Variants in CTPS1 observed in about 807,000 individuals in gnomAD.
The protein encoded by CTPS1 is CTP synthetase 1.
A neutral mutation model predicts 80.5 loss-of-function variants in CTPS1; 25 were observed. That is an observed-to-expected ratio of 0.31 (90% confidence interval 0.23 to 0.43). The LOEUF (loss-of-function observed/expected upper bound fraction) is 0.43, where lower values mean the gene tolerates loss of function less well. Ranked by LOEUF, CTPS1 falls within the 20% of genes least tolerant of loss-of-function variation. The probability of loss-of-function intolerance (pLI) is 1.00; values close to 1 mark genes in which losing one functional copy is unlikely to be tolerated. For synonymous variants in CTPS1, 267 were observed against 252.5 expected (o/e 1.06, Z -0.54); for missense variants, 442 against 725.7 (o/e 0.61, Z 4.49).
At chr1:41,001,200 T>C in intron 10 of CTPS1, 83 bp downstream of exon 10, 1 of 881,902 alleles carries the variant, frequency 1.1e-6, no homozygotes, top group Non-Finnish European at 1.7e-6. Flanking sequence ...CATGTGCCAG[T>C]AGTAGGTAAT....
intron 3 of CTPS1, 44 bp downstream of exon 3, chr1:40,985,035 TTAA>T (rs745961668): frequency 2.1e-5 from 29 of 1,404,662 alleles, no homozygotes; most frequent in Non-Finnish European, 8.5e-6. Context: ...CTTAACCAGT[TTAA>T]TTTCTTCTCC....
At position 41,008,841 on chromosome 1, in the gene CTPS1, T is replaced by G; in HGVS notation, c.1497T>G (p.Phe499Leu). The change falls in exon 16 of 19, where the codon TTT (phenylalanine) becomes TTG (leucine). Residue 499 changes from phenylalanine (F) to leucine (L), a missense_variant. This residue lies in a region of CTPS1 where 321 missense variants were observed against 467.2 expected (regional missense o/e 0.69). Transcript: ENST00000650070. ...KKCLEEQGLK[F>L]VGQDVEGERM... The stretch of plus-strand genomic sequence containing the variant: ...GTTTGGAAGAACAAGGCTTGAAGTT[T>G]GTTGGCCAAGATGTTGAAGGAGAGA... 6.2e-7 allele frequency: 1 copy of G among 1,614,190 alleles called. No homozygotes were observed. The highest frequency in any genetic ancestry group is 1.7e-5 in the Admixed American group (1 of 60,028).
chr1:41,000,273 C>T lies in CTPS1; in HGVS notation c.1006-756C>T, dbSNP rs1024300485. On this transcript the variant is annotated intron_variant, in intron 9 of 18. Transcript: ENST00000650070. ...TTTTGTTTTGTTTGAGATGGAGTCT[C>T]GCTCTGTCACCCAGGCTGGAGTGCA... Among the ~76,000 whole-genome samples, 6 of 151,838 alleles carry T rather than the reference C, an allele frequency of 4.0e-5. No homozygotes were observed. The East Asian group carries it at 5.8e-4, about 15-fold the overall frequency.
chr1:40,983,463 A>C lies in CTPS1; in HGVS notation c.166+7A>C, dbSNP rs1198920342. The C allele has an allele frequency of 2.5e-6, 4 of 1,594,466 alleles. No individual in the cohort carries two copies. The African/African-American group carries it at 5.4e-5, about 21-fold the overall frequency. ...TTCTCTCCTTATGAGCATGGTAAGC[A>C]CAGTGGATTTCTTCATAATAATTGC... On this transcript the variant is annotated splice_region_variant and intron_variant, in intron 2 of 18. Coordinates refer to ENST00000650070, the MANE Select transcript of CTPS1 (RefSeq NM_001905.4).
intron 9 of CTPS1, among the ~76,000 whole-genome samples, chr1:40,999,000 A>T (rs765647257): frequency 6.4e-4 from 97 of 152,198 alleles, no homozygotes; most frequent in Non-Finnish European, 4.3e-4. Context: ...TGTGTTTGTC[A>T]GGTGGCAGAG....
rs918427401 is a variant in CTPS1 at position 40,985,812 on chromosome 1, A to G, written c.337+821A>G. Among the ~76,000 whole-genome samples, 14 of 152,148 alleles carry G rather than the reference A, an allele frequency of 9.2e-5. No homozygotes were observed. The East Asian group carries it at 1.3e-3, about 15-fold the overall frequency. ...TTCCCCTCTCACCAGCTTTGTGAAC[A>G]TGGGCAAATTAACCTCTTCAAAATG... On this transcript the variant is annotated intron_variant, in intron 3 of 18. Transcript: ENST00000650070.
At chr1:41,006,625 C>T (rs1171177600) in intron 13 of CTPS1, among the ~76,000 whole-genome samples, 1 of 152,206 alleles carries the variant, frequency 6.6e-6, no homozygotes, top group Non-Finnish European at 1.5e-5. Context: ...GCCCGCTGTA[C>T]TGTTAGGCAC....
chr1:40,988,772 C>G (rs973084922), intron 5 of CTPS1, 62 bp downstream of exon 5: 2 of 1,121,272 alleles, frequency 1.8e-6, no homozygotes, highest in Non-Finnish European at 1.4e-6. Context: ...AAAGGTAAAC[C>G]GGAATGATTT....
intron 2 of CTPS1, among the ~76,000 whole-genome samples, chr1:40,984,580 T>C (rs2148387487): frequency 6.6e-6 from 1 of 152,350 alleles, no homozygotes; most frequent in African/African-American, 2.4e-5. Flanking sequence ...CATCCCATGC[T>C]ATTTTATAAC....
chr1:41,008,349 C>A (rs1032675502), intron 14 of CTPS1, among the ~76,000 whole-genome samples: 1 of 152,194 alleles, frequency 6.6e-6, no homozygotes, highest in Non-Finnish European at 1.5e-5. Flanking sequence ...TTTCGTACAT[C>A]CTGATTTGCT....
intron 9 of CTPS1, among the ~76,000 whole-genome samples, chr1:40,999,593 G>T (rs1341334438): frequency 6.6e-6 from 1 of 152,174 alleles, no homozygotes; most frequent in Non-Finnish European, 1.5e-5. Flanking sequence ...TTACCTTGCT[G>T]CCGGGAGTGT....
chr1:40,981,763 A>G (rs989967822), intron 1 of CTPS1, among the ~76,000 whole-genome samples: 4 of 147,436 alleles, frequency 2.7e-5, no homozygotes, highest in Admixed American at 7.0e-5. Context: ...ACCAGGGAGC[A>G]TGCTTTTGGA....
rs567651072 is a variant in CTPS1 at position 40,982,008 on chromosome 1, G to A, written c.-13-1270G>A. The A allele has an allele frequency of 2.3e-6, 3 of 1,288,912 alleles. No homozygotes were observed. In the East Asian group the frequency reaches 1.7e-4, roughly 72 times the overall value. 79.8% of individuals were successfully genotyped at this position (1,288,912 alleles called of 1,614,324 possible). ...GACCATGCCAAAGTAAGCATTTTCTGCTACTTTCTAATTGTGTTTTTCATT... is the reference window on the plus strand; with the variant it reads ...GACCATGCCAAAGTAAGCATTTTCTACTACTTTCTAATTGTGTTTTTCATT... On this transcript the variant is annotated intron_variant, in intron 1 of 18. Transcript: ENST00000650070.
intron 9 of CTPS1, among the ~76,000 whole-genome samples, chr1:40,997,843 A>G (rs1642794294): frequency 6.6e-6 from 1 of 152,300 alleles, no homozygotes; most frequent in East Asian, 1.9e-4. Context: ...CATGCTGCAC[A>G]GTTGATAGCT....
chr1:40,994,807 G>GT (rs1642711612), intron 7 of CTPS1, among the ~76,000 whole-genome samples: 1 of 152,048 alleles, frequency 6.6e-6, no homozygotes, highest in Admixed American at 6.5e-5. Context: ...TTTACTGTGG[G>GT]TTTTTTATAT....
chr1:40,997,261 TG>T (rs1238302106), intron 8 of CTPS1, 132 bp from the exon 9 acceptor site: 3 of 1,101,322 alleles, frequency 2.7e-6, no homozygotes, highest in Non-Finnish European at 3.9e-6. Context: ...TTCAAAGTGC[TG>T]GGATTATAGG....
intron 7 of CTPS1, among the ~76,000 whole-genome samples, 159 bp downstream of exon 7, chr1:40,992,004 C>T (rs1041766493): frequency 6.6e-6 from 1 of 152,154 alleles, no homozygotes; most frequent in African/African-American, 2.4e-5. Flanking sequence ...CTCCTGGTTC[C>T]CCAAACAACA....
chr1:41,006,146 A>G (rs1213355759), intron 13 of CTPS1, 52 bp downstream of exon 13: 1 of 1,412,904 alleles, frequency 7.1e-7, no homozygotes, highest in Non-Finnish European at 1.0e-6. Context: ...TAGAAGGGGC[A>G]TTTATGAACG....
chr1:41,007,381 G>C lies in CTPS1; in HGVS notation c.1297-68G>C. The C allele has an allele frequency of 7.3e-7, 1 of 1,362,754 alleles. No individual in the cohort carries two copies. The allele number at this position is 1,362,754 out of a possible 1,614,324, so 84.4% of individuals were successfully genotyped here. A position where few individuals can be genotyped will look rare whatever the true frequency, so the allele number is the denominator to read the frequency against. Reference sequence around the variant, plus strand: ...CTTACAAGCCTTTGCCACCCACTCAGCGAGGGAGGTTTCTCTCTAGCGGAA... The same window carrying C: ...CTTACAAGCCTTTGCCACCCACTCACCGAGGGAGGTTTCTCTCTAGCGGAA... On this transcript the variant is annotated intron_variant, in intron 13 of 18. Transcript: ENST00000650070. This position sits in a 1 kb window ranked among gnomAD's most constrained non-coding sequence, Gnocchi z 4.4.
Sources: gnomAD v4.1 joint callset for allele counts (sites outside exome capture counted in the v4.1 genomes callset) on GRCh38, gnomAD v4.1.1 for gene constraint, gnomAD v4.1.1 regional missense constraint, Gnocchi (gnomAD v3.1) non-coding constraint, MANE v1.5 for transcripts, NCBI Gene and HGNC (gene_info 2026-07-23, HGNC 2026-07-21) for gene names.